The following DENND4A variants were observed in gnomAD, a reference collection of about 807,000 sequenced individuals.
DENND4A encodes C-myc promoter-binding protein.
A neutral mutation model predicts 199.3 loss-of-function variants in DENND4A; 70 were observed. The observed-to-expected ratio is 0.35, with a 90% CI of 0.29 to 0.43. The LOEUF (loss-of-function observed/expected upper bound fraction) is 0.43, where lower values mean the gene tolerates loss of function less well. Among genes scored for constraint, DENND4A ranks in the 20% least tolerant of loss-of-function variants. DENND4A has a pLI of 1.00. For synonymous variants in DENND4A, 686 were observed against 766.9 expected (o/e 0.89, Z 1.74); for missense variants, 1,723 against 2,255.8 (o/e 0.76, Z 4.78).
chr15:65,688,043 C>T (rs2076850893), intron 23 of DENND4A, among the ~76,000 whole-genome samples: 1 of 151,952 alleles, frequency 6.6e-6, no homozygotes, highest in African/African-American at 2.4e-5. Flanking sequence ...TCATTTGTTC[C>T]TTTTGATATT....
chr15:65,746,141 CAAA>C (rs776975727), intron 4 of DENND4A, among the ~76,000 whole-genome samples: 1 of 96,108 alleles, frequency 1.0e-5, no homozygotes, highest in Admixed American at 1.1e-4. Context: ...AACTCCGTCT[CAAA>C]AAAAAAAAAA....
At chr15:65,781,328 G>A (rs1228019047) in intron 1 of DENND4A, among the ~76,000 whole-genome samples, 1 of 152,120 alleles carries the variant, frequency 6.6e-6, no homozygotes, top group East Asian at 1.9e-4. Flanking sequence ...TGGGGAGTCA[G>A]TAAAGAATTT....
In DENND4A at chr15:65,670,197, G is replaced by T; in HGVS notation, c.4465-9C>A. 7 of 1,498,654 alleles carry T rather than the reference G, an allele frequency of 4.7e-6. No individual in the cohort carries two copies. Among genetic ancestry groups the T allele is most frequent in the African/African-American group, 1.4e-5 (1 of 71,204 alleles). 92.8% of individuals were successfully genotyped at this position (1,498,654 alleles called of 1,614,324 possible). On this transcript the variant is annotated splice_polypyrimidine_tract_variant and intron_variant, in intron 25 of 32. Coordinates refer to ENST00000443035, the MANE Select transcript of DENND4A (RefSeq NM_001320835.1). ...CAACTTGAGATGAGAACCTGTGGGA[G>T]AAGATAGCACTTTATAAAGAAAGCT... is the stretch of plus-strand genomic sequence containing the variant.
At position 65,668,109 on chromosome 15, in the gene DENND4A, T is replaced by G; in HGVS notation, c.4802A>C (p.Gln1601Pro). Residue 1601 changes from glutamine (Q) to proline (P), a missense_variant, in exon 28 of 33, where the codon CAG becomes CCG. Gln to Pro is a moderately conservative substitution (Grantham distance 76). Transcript: ENST00000443035. ...NFDLNSKSKLQENFCTRSIQI... is the reference protein window; with the variant it reads ...NFDLNSKSKLPENFCTRSIQI... ...AATACTTCGGGTGCAAAAATTTTCC[T>G]GCAGTTTAGATTTGCTTGGGAATTG... 6.3e-7 allele frequency: 1 copy of G among 1,578,848 alleles called. No homozygotes were observed. The highest frequency in any genetic ancestry group is 8.5e-7 in the Non-Finnish European group (1 of 1,170,482).
chr15:65,694,411 T>C (rs1218791033), intron 22 of DENND4A, among the ~76,000 whole-genome samples: 1 of 151,386 alleles, frequency 6.6e-6, no homozygotes, highest in Admixed American at 6.6e-5. Context: ...ATCGTGCCAC[T>C]GCACTCCAGC....
At chr15:65,667,862 A>C in intron 28 of DENND4A, 63 bp downstream of exon 28, 1 of 1,550,912 alleles carries the variant, frequency 6.4e-7, no homozygotes, top group Non-Finnish European at 8.7e-7. Context: ...ACTTAAGACA[A>C]GGGGAACAAA....
At chr15:65,789,026 A>T (rs1252126747) in intron 1 of DENND4A, among the ~76,000 whole-genome samples, 2 of 151,762 alleles carry the variant, frequency 1.3e-5, no homozygotes, top group Admixed American at 6.6e-5. Context: ...TTATATTCTA[A>T]TTTTTCTCTT....
At chr15:65,680,340 T>G (rs1330442151) in intron 23 of DENND4A, among the ~76,000 whole-genome samples, 3 of 152,206 alleles carry the variant, frequency 2.0e-5, no homozygotes, top group Non-Finnish European at 4.4e-5. Context: ...GATGGCATAC[T>G]TTTCTTCTTT....
At chr15:65,673,630 GAAAA>G (rs78649250) in intron 24 of DENND4A, among the ~76,000 whole-genome samples, 9 of 110,204 alleles carry the variant, frequency 8.2e-5, no homozygotes, top group Non-Finnish European at 1.6e-4. Flanking sequence ...TAACAAGGAG[GAAAA>G]AAAAAAAAAA....
Position 65,660,438 on chromosome 15 carries a change from G to C in DENND4A, c.*1413C>G, listed in dbSNP as rs752411980. On this transcript the variant is annotated 3_prime_UTR_variant, in exon 33 of 33. Coordinates refer to ENST00000443035, the MANE Select transcript of DENND4A (RefSeq NM_001320835.1). ...TACTGGCTTTATACACCTAATTTGG[G>C]ACTATCCATTTTTTCCTTCTTTAAA... 1.3e-4 allele frequency: 87 copies of C among 676,782 alleles called. No individual in the cohort carries two copies. Among genetic ancestry groups the C allele is most frequent in the Non-Finnish European group, 2.0e-4 (81 of 412,524 alleles). The allele number at this position is 676,782 out of a possible 1,614,324, so 41.9% of individuals were successfully genotyped here.
intron 4 of DENND4A, among the ~76,000 whole-genome samples, chr15:65,741,993 T>C (rs1596572893): frequency 6.6e-6 from 1 of 152,350 alleles, no homozygotes; most frequent in African/African-American, 2.4e-5. Flanking sequence ...TTTTTTCCCC[T>C]TGCAACAGCA....
rs952119179 is a variant in DENND4A at position 65,689,387 on chromosome 15, T to C, written c.4179+1028A>G. 3.9e-5 allele frequency among the ~76,000 whole-genome samples: 6 copies of C among 152,344 alleles called. No individual in the cohort carries two copies. In the East Asian group the frequency reaches 7.7e-4, roughly 20 times the overall value. On this transcript the variant is annotated intron_variant, in intron 23 of 32. Coordinates refer to ENST00000443035, the MANE Select transcript of DENND4A (RefSeq NM_001320835.1). ...GGCATAGCTATTTTTAATTGAGTGA[T>C]AGACATTGTATATTAAAAACTGTAA...
At chr15:65,725,054 C>CTCTT (rs1483076092) in intron 11 of DENND4A, among the ~76,000 whole-genome samples, 11 of 152,250 alleles carry the variant, frequency 7.2e-5, no homozygotes, top group African/African-American at 2.6e-4. Flanking sequence ...TAATTTCTGC[C>CTCTT]TCTTTCCTTT....
chr15:65,727,856 C>A, intron 11 of DENND4A: 1 of 392,262 alleles, frequency 2.5e-6, no homozygotes, highest in East Asian at 8.1e-5. Context: ...GTTCCGATAG[C>A]TATAACTTAC....
intron 1 of DENND4A, among the ~76,000 whole-genome samples, chr15:65,780,662 C>A (rs2077413442): frequency 6.6e-6 from 1 of 152,118 alleles, no homozygotes; most frequent in African/African-American, 2.4e-5. Context: ...TATTTAAGGG[C>A]AACGATAGTT....
intron 1 of DENND4A, among the ~76,000 whole-genome samples, chr15:65,776,881 T>C (rs2077297952): frequency 6.6e-6 from 1 of 151,832 alleles, no homozygotes; most frequent in South Asian, 2.1e-4. Context: ...AGTAAGAAAA[T>C]AGCTGCATGG....
At chr15:65,788,377 C>T (rs12898708) in intron 1 of DENND4A, among the ~76,000 whole-genome samples, 36,840 of 151,952 alleles carry the variant, frequency 0.24, 5,473 homozygotes, top group East Asian at 0.74. Context: ...GCCTGGCCAG[C>T]GCTGGTTAAG....
At chr15:65,724,977 T>A (rs1037718783) in intron 11 of DENND4A, among the ~76,000 whole-genome samples, 2 of 152,210 alleles carry the variant, frequency 1.3e-5, no homozygotes, top group Non-Finnish European at 2.9e-5. Flanking sequence ...GATATGTTTG[T>A]GGCGTAAATG....
chr15:65,762,704 T>C (rs768830235), intron 1 of DENND4A, among the ~76,000 whole-genome samples: 9 of 152,198 alleles, frequency 5.9e-5, no homozygotes, highest in Non-Finnish European at 1.3e-4. Flanking sequence ...TAACTTTATA[T>C]AGCATTTAAT....
Sources: gnomAD v4.1 joint callset for allele counts (sites outside exome capture counted in the v4.1 genomes callset) on GRCh38, gnomAD v4.1.1 for gene constraint, MANE v1.5 for transcripts, NCBI Gene and HGNC (gene_info 2026-07-23, HGNC 2026-07-21) for gene names.